UBE3A: variants seen among roughly 807,000 people sequenced by gnomAD.
The protein encoded by UBE3A is ubiquitin-protein ligase E3A.
UBE3A carries 6 observed loss-of-function variants against 83.4 expected under a neutral mutation model. That is an observed-to-expected ratio of 0.07 (90% CI 0.04 to 0.14). The LOEUF (loss-of-function observed/expected upper bound fraction) is 0.14. Among genes scored for constraint, UBE3A ranks in the 10% least tolerant of loss-of-function variants. The pLI is 1.00. For synonymous variants in UBE3A, 337 were observed against 355.4 expected, an observed-to-expected ratio of 0.95 and a Z score of 0.58; for missense variants, 456 against 1,036.1, an observed-to-expected ratio of 0.44 and a Z score of 7.69.
chr15:25,396,786 A>AT (rs1000177704), intron 4 of UBE3A, among the ~76,000 whole-genome samples: 33 of 149,578 alleles, frequency 2.2e-4, no homozygotes, highest in South Asian at 6.4e-4. Context: ...AGTATTAATA[A>AT]TTTTTTTTTT....
In UBE3A at chr15:25,338,431, G is replaced by GTTGT. The variant is rs1243503037; in HGVS notation, c.*702_*705dup. On this transcript the variant is annotated 3_prime_UTR_variant, in exon 13 of 13. Coordinates refer to ENST00000648336, the MANE Select transcript of UBE3A (RefSeq NM_130839.5). ...ATGAAGACGACATACTGTGGCATGA[G>GTTGT]TTGTTTTTGTTTTTAATTTGTTGTG... is the stretch of plus-strand genomic sequence containing the variant. The GTTGT allele has an allele frequency of 8.5e-5, 13 of 152,090 alleles. No homozygotes were observed. The highest frequency in any genetic ancestry group is 3.1e-4 in the African/African-American group (13 of 41,426). The allele number at this position is 152,090 out of a possible 1,614,324, so 9.4% of individuals were successfully genotyped here.
At chr15:25,407,411 AAAAC>A in intron 3 of UBE3A, 1 of 388,962 alleles carries the variant, frequency 2.6e-6, no homozygotes. Context: ...CACAAGAAGA[AAAAC>A]AAATCTAAGT....
chr15:25,395,186 T>A (rs1294828321), intron 4 of UBE3A, among the ~76,000 whole-genome samples: 1 of 152,038 alleles, frequency 6.6e-6, no homozygotes, highest in Non-Finnish European at 1.5e-5. Flanking sequence ...GCAAGTGCGG[T>A]AGAGAGATCA....
At chr15:25,386,805 G>T (rs992917585) in intron 4 of UBE3A, among the ~76,000 whole-genome samples, 6 of 150,210 alleles carry the variant, frequency 4.0e-5, no homozygotes, top group Non-Finnish European at 7.4e-5. Context: ...AGTGTTGAGA[G>T]AAAAAAAAAC....
chr15:25,366,380 AAGCTGGG>A (rs958599751), intron 6 of UBE3A, among the ~76,000 whole-genome samples: 1 of 152,192 alleles, frequency 6.6e-6, no homozygotes, highest in African/African-American at 2.4e-5. Flanking sequence ...CCAATGCTGG[AAGCTGGG>A]AGCTGAAAAT....
rs534846555 is a variant in UBE3A at position 25,391,232 on chromosome 15, T to C, written c.62+14229A>G. ...ACCTTGAGGACATTGCTATGTGAAA[T>C]AGGCCAGTCAACAAAAGACAAATAC... On this transcript the variant is annotated intron_variant, in intron 4 of 12. Coordinates refer to ENST00000648336, the MANE Select transcript of UBE3A (RefSeq NM_130839.5). 7.2e-5 allele frequency among the ~76,000 whole-genome samples: 11 copies of C among 152,250 alleles called. No homozygotes were observed. The East Asian group carries it at 1.4e-3, about 19-fold the overall frequency.
At chr15:25,342,839 C>A (rs531614883) in intron 11 of UBE3A, among the ~76,000 whole-genome samples, 1 of 152,164 alleles carries the variant, frequency 6.6e-6, no homozygotes, top group Non-Finnish European at 1.5e-5. Flanking sequence ...CAGAGCACTA[C>A]TGAGTGTAGG....
At position 25,371,423 on chromosome 15, in the gene UBE3A, T is replaced by C. The variant is rs767815586; in HGVS notation, c.751A>G (p.Thr251Ala). ...TATACAAGTGCATTGAGAAAGGCAG[T>C]TTCAATTTTTTCATTAGAGAGCAAT... Reference protein sequence around the residue: ...TRLLSNEKIETAFLNALVYLS... With the variant: ...TRLLSNEKIEAAFLNALVYLS... Residue 251 changes from threonine to alanine, a missense_variant, in exon 6 of 13, where the codon ACT becomes GCT. Coordinates refer to ENST00000648336, the MANE Select transcript of UBE3A (RefSeq NM_130839.5). The surrounding 1 kb of genome is among the most constrained non-coding windows in gnomAD (Gnocchi z 5.3). 6.2e-7 allele frequency: 1 copy of C among 1,614,102 alleles called. No homozygotes were observed. The highest frequency in any genetic ancestry group is 1.3e-5 in the African/African-American group (1 of 75,026).
Position 25,375,493 on chromosome 15 carries a change from G to A in UBE3A, c.333C>T (p.Asn111=). 2 of 1,614,040 alleles carry A rather than the reference G, an allele frequency of 1.2e-6. No individual in the cohort carries two copies. Among genetic ancestry groups the A allele is most frequent in the Admixed American group, 1.7e-5 (1 of 60,010 alleles). The change falls in exon 5 of 13, where the codon AAC becomes AAT. Residue 111 remains asparagine (N), a synonymous_variant. Coordinates refer to ENST00000648336, the MANE Select transcript of UBE3A (RefSeq NM_130839.5). ...PNNSCSEIKM[N]KKGARIDFKD... ...TAAAATCAATTCTAGCGCCTTTCTT[G>A]TTCATTTTTATCTCAGAGCAGGAGT...
At chr15:25,355,832 G>T in intron 9 of UBE3A, 60 bp downstream of exon 9, 2 of 1,470,438 alleles carry the variant, frequency 1.4e-6, no homozygotes, top group Non-Finnish European at 1.9e-6. Flanking sequence ...AAAATTATAA[G>T]CATACATGCT....
At chr15:25,380,969 T>C (rs1232342365) in intron 4 of UBE3A, among the ~76,000 whole-genome samples, 1 of 152,190 alleles carries the variant, frequency 6.6e-6, no homozygotes. Context: ...AGAAGTCCTA[T>C]GGAATAAGTC....
intron 1 of UBE3A, among the ~76,000 whole-genome samples, chr15:25,434,567 A>G (rs540941862): frequency 2.8e-4 from 42 of 152,350 alleles, no homozygotes; most frequent in Non-Finnish European, 1.5e-5. Flanking sequence ...ATTAGAAGAA[A>G]TAACAGATCT....
In UBE3A at chr15:25,402,577, T is replaced by C. The variant is rs113897187; in HGVS notation, c.62+2884A>G. Among the ~76,000 whole-genome samples the C allele has an allele frequency of 5.4e-3, 828 of 152,228 alleles. 7 individuals are homozygous for C. The highest frequency in any genetic ancestry group is 7.9e-3 in the Non-Finnish European group (538 of 67,998). The stretch of plus-strand genomic sequence containing the variant: ...GGGGTGGGCCTCCAAGCTTGGTTTG[T>C]GGGTATTGGCCTGAAGTTTGGGGCC... On this transcript the variant is annotated intron_variant, in intron 4 of 12. Coordinates refer to ENST00000648336, the MANE Select transcript of UBE3A (RefSeq NM_130839.5).
At chr15:25,418,984 T>G (rs778852692) in intron 1 of UBE3A, 4 of 152,168 alleles carry the variant, frequency 2.6e-5, no homozygotes, top group Admixed American at 6.5e-5. Flanking sequence ...CATCTTCAAA[T>G]ATGTTAAACC....
intron 1 of UBE3A, among the ~76,000 whole-genome samples, chr15:25,435,153 A>T (rs1456534242): frequency 6.6e-6 from 1 of 150,840 alleles, no homozygotes; most frequent in Non-Finnish European, 1.5e-5. Flanking sequence ...GCTGGTGGGT[A>T]GGAGGTATTG....
intron 1 of UBE3A, among the ~76,000 whole-genome samples, chr15:25,416,274 G>C (rs1028049303): frequency 6.6e-6 from 1 of 152,126 alleles, no homozygotes; most frequent in Non-Finnish European, 1.5e-5. Context: ...GTCCGTAACA[G>C]CAGATTAAAC....
At chr15:25,414,648 G>A (rs1234043551) in intron 1 of UBE3A, among the ~76,000 whole-genome samples, 1 of 152,182 alleles carries the variant, frequency 6.6e-6, no homozygotes, top group Non-Finnish European at 1.5e-5. Flanking sequence ...GCTCAAATTG[G>A]AAGATTCTCA....
intron 4 of UBE3A, among the ~76,000 whole-genome samples, chr15:25,377,064 T>C (rs1182137307): frequency 6.6e-6 from 1 of 152,110 alleles, no homozygotes; most frequent in Admixed American, 6.5e-5. Flanking sequence ...AGAATCAAAA[T>C]TATAAGAAAA....
chr15:25,354,732 C>T, intron 9 of UBE3A, 49 bp from the exon 10 acceptor site: 1 of 1,546,404 alleles, frequency 6.5e-7, no homozygotes, highest in South Asian at 1.1e-5. Context: ...GCTATGCAAA[C>T]AAAACACAAG....
Sources: gnomAD v4.1 joint callset for allele counts (sites outside exome capture counted in the v4.1 genomes callset) on GRCh38, gnomAD v4.1.1 for gene constraint, Gnocchi (gnomAD v3.1) non-coding constraint, MANE v1.5 for transcripts, NCBI Gene and HGNC (gene_info 2026-07-23, HGNC 2026-07-21) for gene names.